The following MTF2 variants were observed in gnomAD, a reference collection of about 807,000 sequenced individuals.
MTF2 encodes the protein metal response element binding transcription factor 2.
In MTF2, 11 loss-of-function variants were observed where a neutral mutation model predicts 79.5. The ratio of observed to expected loss-of-function variants is 0.14; its 90% CI spans 0.09 to 0.23. The LOEUF (loss-of-function observed/expected upper bound fraction) is 0.23. Among genes scored for constraint, MTF2 ranks in the 10% least tolerant of loss-of-function variants. The pLI is 1.00. For missense variants in MTF2, 486 were observed against 711.2 expected, an observed-to-expected ratio of 0.68 and a Z score of 3.60; for synonymous variants, 208 against 232.8, an observed-to-expected ratio of 0.89 and a Z score of 0.97.
At chr1:93,119,450 C>A in intron 8 of MTF2, 49 bp downstream of exon 8, 1 of 1,388,228 alleles carries the variant, frequency 7.2e-7, no homozygotes, top group Non-Finnish European at 9.9e-7. Context: ...TTTTCTTAAA[C>A]CTACAAGTTG....
At chr1:93,130,557 A>G (rs1200316823) in intron 11 of MTF2, among the ~76,000 whole-genome samples, 1 of 151,888 alleles carries the variant, frequency 6.6e-6, no homozygotes. Context: ...AGCCTGGGCA[A>G]CAGAGCGAGA....
chr1:93,084,459 T>A (rs1654749728), intron 1 of MTF2, among the ~76,000 whole-genome samples: 1 of 152,216 alleles, frequency 6.6e-6, no homozygotes, highest in Non-Finnish European at 1.5e-5. Flanking sequence ...AAAAACAATT[T>A]GGCTATTCTG....
chr1:93,107,242 T>C (rs1355924375), intron 1 of MTF2, among the ~76,000 whole-genome samples: 1 of 152,166 alleles, frequency 6.6e-6, no homozygotes, highest in Non-Finnish European at 1.5e-5. Flanking sequence ...TGTTTGTTTT[T>C]GAGATGTAGT....
intron 1 of MTF2, among the ~76,000 whole-genome samples, chr1:93,086,178 T>A (rs1330750309): frequency 6.6e-6 from 1 of 152,158 alleles, no homozygotes. Context: ...AGCACATGAC[T>A]ATGCTTAGAA....
At chr1:93,108,852 C>T (rs753997872) in intron 1 of MTF2, among the ~76,000 whole-genome samples, 1 of 152,096 alleles carries the variant, frequency 6.6e-6, no homozygotes, top group Admixed American at 6.6e-5. Flanking sequence ...AGCCGTTGGC[C>T]GCCATTCTGT....
At chr1:93,111,600 G>A (rs956844814) in intron 3 of MTF2, among the ~76,000 whole-genome samples, 1 of 152,118 alleles carries the variant, frequency 6.6e-6, no homozygotes, top group Non-Finnish European at 1.5e-5. Context: ...GGTACTCAGG[G>A]CTTAGGTGGG....
chr1:93,105,323 C>T (rs566819015), intron 1 of MTF2, among the ~76,000 whole-genome samples: 151 of 152,066 alleles, frequency 9.9e-4, no homozygotes, highest in African/African-American at 3.5e-3. Flanking sequence ...GTGGTGGGAA[C>T]GGAGCACAAA....
chr1:93,120,783 T>A, intron 9 of MTF2, 111 bp downstream of exon 9: 2 of 1,495,470 alleles, frequency 1.3e-6, no homozygotes, highest in Non-Finnish European at 1.8e-6. Context: ...TAAAATAGAA[T>A]TTTATTTTTA....
chr1:93,105,384 G>A (rs1450878596), intron 1 of MTF2, among the ~76,000 whole-genome samples: 2 of 152,174 alleles, frequency 1.3e-5, no homozygotes, highest in Non-Finnish European at 2.9e-5. Context: ...ATCCTTGCAA[G>A]TTTTTAAGCA....
At chr1:93,087,658 A>G (rs527351460) in intron 1 of MTF2, among the ~76,000 whole-genome samples, 3 of 152,032 alleles carry the variant, frequency 2.0e-5, no homozygotes, top group South Asian at 4.2e-4. Flanking sequence ...GCCTGATTTC[A>G]TTCACCAGTT....
intron 5 of MTF2, 33 bp downstream of exon 5, chr1:93,115,121 A>C: frequency 6.9e-7 from 1 of 1,458,682 alleles, no homozygotes; most frequent in Non-Finnish European, 9.6e-7. Flanking sequence ...TAAAGCTCTG[A>C]TGGAATTTGT....
chr1:93,102,410 A>T (rs569904032), intron 1 of MTF2, among the ~76,000 whole-genome samples: 1 of 151,996 alleles, frequency 6.6e-6, no homozygotes, highest in African/African-American at 2.4e-5. Context: ...ACCTGCTCCC[A>T]TTCCTACTAA....
intron 1 of MTF2, among the ~76,000 whole-genome samples, chr1:93,093,709 T>A (rs1331997648): frequency 6.6e-6 from 1 of 152,148 alleles, no homozygotes; most frequent in Admixed American, 6.5e-5. Context: ...TTTAAAAAAA[T>A]ACATTTTAGA....
chr1:93,133,845 G>C, intron 12 of MTF2, 37 bp downstream of exon 12: 1 of 1,548,564 alleles, frequency 6.5e-7, no homozygotes, highest in Non-Finnish European at 8.9e-7. Flanking sequence ...TCAAGAAGAA[G>C]GATGCATGAA....
Position 93,137,585 on chromosome 1 carries a change from T to G in MTF2, c.*558T>G, listed in dbSNP as rs1647452655. The stretch of plus-strand genomic sequence containing the variant: ...AAATTGCTCTGTGACTAGACTTCAT[T>G]GTCGTCTTAATATATTCTTGCATGT... On this transcript the variant is annotated 3_prime_UTR_variant, in exon 15 of 15. Coordinates refer to ENST00000370298, the MANE Select transcript of MTF2 (RefSeq NM_007358.4). 6.6e-6 allele frequency: 1 copy of G among 152,564 alleles called. No homozygotes were observed. Among genetic ancestry groups the G allele is most frequent in the Non-Finnish European group, 1.5e-5 (1 of 68,570 alleles). The allele number at this position is 152,564 out of a possible 1,614,324, so 9.5% of individuals were successfully genotyped here.
chr1:93,102,431 T>TA (rs1407075659), intron 1 of MTF2, among the ~76,000 whole-genome samples: 1 of 151,960 alleles, frequency 6.6e-6, no homozygotes, highest in Non-Finnish European at 1.5e-5. Flanking sequence ...AAATTATTTT[T>TA]AAAAAATCAG....
intron 1 of MTF2, among the ~76,000 whole-genome samples, chr1:93,089,351 T>C (rs1654977327): frequency 6.6e-6 from 1 of 152,224 alleles, no homozygotes; most frequent in Non-Finnish European, 1.5e-5. Context: ...TACTTACTAG[T>C]GTGTGTATTG....
At chr1:93,088,534 GA>G in intron 1 of MTF2, among the ~76,000 whole-genome samples, 1 of 152,032 alleles carries the variant, frequency 6.6e-6, no homozygotes, top group East Asian at 1.9e-4. Context: ...TTACCATTTT[GA>G]AAATACTTGA....
At chr1:93,096,277 C>T (rs1655282978) in intron 1 of MTF2, among the ~76,000 whole-genome samples, 2 of 152,028 alleles carry the variant, frequency 1.3e-5, no homozygotes, top group African/African-American at 2.4e-5. Context: ...TCTTTACTCT[C>T]CTATCTTAAT....
Sources: allele counts gnomAD v4.1 joint callset (sites outside exome capture counted in the v4.1 genomes callset), GRCh38; gene constraint gnomAD v4.1.1; transcripts MANE v1.5; gene names NCBI Gene and HGNC (gene_info 2026-07-23, HGNC 2026-07-21).